The following SRPK2 variants were observed in gnomAD, a reference collection of about 807,000 sequenced individuals.
The protein encoded by SRPK2 is SFRS protein kinase 2.
Under a neutral mutation model 90.8 loss-of-function variants are expected in SRPK2, and 21 were observed. The observed-to-expected ratio is 0.23, with a 90% CI of 0.16 to 0.33. The LOEUF is 0.33. Among genes scored for constraint, SRPK2 ranks in the 10% least tolerant of loss-of-function variants. The probability of loss-of-function intolerance (pLI) is 1.00; values close to 1 mark genes in which losing one functional copy is unlikely to be tolerated. For missense variants in SRPK2, 620 were observed against 869.0 expected (o/e 0.71, Z 3.60); for synonymous variants, 288 against 311.1 (o/e 0.93, Z 0.78).
chr7:105,372,887 G>A (rs570169030), intron 2 of SRPK2, among the ~76,000 whole-genome samples: 5 of 152,198 alleles, frequency 3.3e-5, no homozygotes, highest in East Asian at 3.9e-4. Flanking sequence ...TCAGGAGTTC[G>A]AGACCAGCCT....
intron 2 of SRPK2, among the ~76,000 whole-genome samples, chr7:105,311,403 TTTGTATTTTTAG>T (rs752541959): frequency 9.9e-5 from 15 of 152,184 alleles, no homozygotes; most frequent in Non-Finnish European, 1.8e-4. Context: ...TAGCTAACTT[TTTGTATTTTTAG>T]TAGAGACAGG....
At chr7:105,156,494 C>A (rs1487074227) in intron 7 of SRPK2, among the ~76,000 whole-genome samples, 1 of 152,010 alleles carries the variant, frequency 6.6e-6, no homozygotes, top group Non-Finnish European at 1.5e-5. Context: ...AGGAAGGTAT[C>A]ATTTTTGTTT....
At chr7:105,344,065 A>C (rs1816156597) in intron 2 of SRPK2, among the ~76,000 whole-genome samples, 1 of 151,984 alleles carries the variant, frequency 6.6e-6, no homozygotes, top group African/African-American at 2.4e-5. Flanking sequence ...CGCCTGGCCT[A>C]CAATGTCATA....
At chr7:105,183,010 A>G (rs1256179095) in intron 3 of SRPK2, among the ~76,000 whole-genome samples, 2 of 152,248 alleles carry the variant, frequency 1.3e-5, no homozygotes, top group Non-Finnish European at 2.9e-5. Context: ...GAGCTGTGAT[A>G]GTATTTACAA....
chr7:105,214,665 C>T (rs751159720), intron 2 of SRPK2, among the ~76,000 whole-genome samples: 1 of 152,072 alleles, frequency 6.6e-6, no homozygotes, highest in Non-Finnish European at 1.5e-5. Flanking sequence ...AAGTTTAAAA[C>T]GTACTATGAA....
At chr7:105,167,951 T>C in intron 5 of SRPK2, 57 bp downstream of exon 5, 1 of 1,407,758 alleles carries the variant, frequency 7.1e-7, no homozygotes, top group Non-Finnish European at 9.7e-7. Context: ...AAAATCTTTC[T>C]GTAAAATTTT....
intron 2 of SRPK2, among the ~76,000 whole-genome samples, chr7:105,291,995 T>C (rs1405307656): frequency 6.6e-6 from 1 of 152,194 alleles, no homozygotes; most frequent in Non-Finnish European, 1.5e-5. Flanking sequence ...CAAAATGGAA[T>C]GCTGTTTATC....
intron 8 of SRPK2, among the ~76,000 whole-genome samples, chr7:105,146,190 A>G (rs978857011): frequency 2.0e-5 from 3 of 152,242 alleles, no homozygotes; most frequent in Admixed American, 6.5e-5. Flanking sequence ...CAGCTACAGG[A>G]AAGCTGTTAC....
intron 2 of SRPK2, among the ~76,000 whole-genome samples, chr7:105,258,417 C>A (rs1230503545): frequency 1.5e-3 from 187 of 121,596 alleles, no homozygotes; most frequent in Non-Finnish European, 2.2e-3. Context: ...AACTCGGTCT[C>A]AAAAAAAAAA....
At chr7:105,212,270 A>C (rs1374624885) in intron 2 of SRPK2, among the ~76,000 whole-genome samples, 5 of 152,338 alleles carry the variant, frequency 3.3e-5, no homozygotes, top group South Asian at 4.1e-4. Context: ...CTGATTCTAC[A>C]ACTACCCAGA....
At chr7:105,348,575 C>T (rs2132016499) in intron 2 of SRPK2, among the ~76,000 whole-genome samples, 1 of 151,844 alleles carries the variant, frequency 6.6e-6, no homozygotes, top group East Asian at 2.0e-4. Context: ...AGGCACCCGC[C>T]ATCATGCCGG....
At chr7:105,263,064 C>T (rs945805225) in intron 2 of SRPK2, among the ~76,000 whole-genome samples, 8 of 152,174 alleles carry the variant, frequency 5.3e-5, no homozygotes, top group Admixed American at 6.5e-5. Flanking sequence ...AGGTGGCTCA[C>T]ACCTGTAATC....
At chr7:105,303,418 A>G (rs1810801930) in intron 2 of SRPK2, among the ~76,000 whole-genome samples, 1 of 152,118 alleles carries the variant, frequency 6.6e-6, no homozygotes, top group Non-Finnish European at 1.5e-5. Context: ...CATATGTAAC[A>G]AACCTGCACG....
chr7:105,388,871 G>T lies in SRPK2; in HGVS notation c.-65C>A, dbSNP rs976261104. The stretch of plus-strand genomic sequence containing the variant: ...CGACGCGGGCGCCGAGACGAGCTGG[G>T]CTGCAGCCTCCACTCGCTCCGCCGG... On this transcript the variant is annotated 5_prime_UTR_variant, in exon 1 of 16. Coordinates refer to ENST00000393651, the MANE Select transcript of SRPK2 (RefSeq NM_182692.3). 7.8e-7 allele frequency: 1 copy of T among 1,276,302 alleles called. No homozygotes were observed. 79.1% of individuals were successfully genotyped at this position (1,276,302 alleles called of 1,614,324 possible).
intron 13 of SRPK2, among the ~76,000 whole-genome samples, chr7:105,129,377 T>C (rs1170500373): frequency 6.6e-6 from 1 of 152,186 alleles, no homozygotes; most frequent in East Asian, 1.9e-4. Context: ...AAAAAAACTC[T>C]GCCTTCAACT....
At chr7:105,282,139 A>G (rs1807424060) in intron 2 of SRPK2, among the ~76,000 whole-genome samples, 1 of 152,230 alleles carries the variant, frequency 6.6e-6, no homozygotes, top group African/African-American at 2.4e-5. Context: ...AATCAATGAA[A>G]GATAACGGAA....
intron 2 of SRPK2, among the ~76,000 whole-genome samples, chr7:105,267,872 C>T (rs896192988): frequency 2.0e-5 from 3 of 151,774 alleles, no homozygotes; most frequent in African/African-American, 7.3e-5. Flanking sequence ...CCCTGCAAAC[C>T]CTAGAAAAGA....
chr7:105,238,018 C>CT (rs1455668251), intron 2 of SRPK2, among the ~76,000 whole-genome samples: 1 of 152,280 alleles, frequency 6.6e-6, no homozygotes, highest in East Asian at 1.9e-4. Context: ...AGGCATATAT[C>CT]TAAATCAGCT....
chr7:105,336,923 T>G (rs1202512981), intron 2 of SRPK2, among the ~76,000 whole-genome samples: 1 of 152,046 alleles, frequency 6.6e-6, no homozygotes, highest in African/African-American at 2.4e-5. Flanking sequence ...TGCCTCAGCC[T>G]CCCAAGTAGC....
Sources: allele counts gnomAD v4.1 joint callset (sites outside exome capture counted in the v4.1 genomes callset), GRCh38; gene constraint gnomAD v4.1.1; transcripts MANE v1.5; gene names NCBI Gene and HGNC (gene_info 2026-07-23, HGNC 2026-07-21).